EHMT1: variants seen among roughly 807,000 people sequenced by gnomAD.
The protein encoded by EHMT1 is histone-lysine N-methyltransferase EHMT1.
In EHMT1, 15 loss-of-function variants were observed where a neutral mutation model predicts 147.2. The ratio of observed to expected loss-of-function variants is 0.10; its 90% CI spans 0.07 to 0.16. The LOEUF is 0.16. Among genes scored for constraint, EHMT1 ranks in the 10% least tolerant of loss-of-function variants. The pLI, the probability that EHMT1 is intolerant of heterozygous loss-of-function variation, is 1.00. For missense variants in EHMT1, 1,587 were observed against 1,772.4 expected, an observed-to-expected ratio of 0.90 and a Z score of 1.88; for synonymous variants, 795 against 709.6, an observed-to-expected ratio of 1.12 and a Z score of -1.91.
chr9:137,647,513 C>T (rs1844984865), intron 1 of EHMT1, among the ~76,000 whole-genome samples: 1 of 151,952 alleles, frequency 6.6e-6, no homozygotes, highest in Non-Finnish European at 1.5e-5. Context: ...CCCCTGTGCT[C>T]TCTGCTCAGG....
At chr9:137,730,386 T>C (rs1947001638) in intron 4 of EHMT1, among the ~76,000 whole-genome samples, 1 of 152,122 alleles carries the variant, frequency 6.6e-6, no homozygotes, top group African/African-American at 2.4e-5. Context: ...TTTCAGTTTC[T>C]GCTGTAAGGA....
intron 18 of EHMT1, among the ~76,000 whole-genome samples, chr9:137,806,441 CTT>C (rs953799687): frequency 6.9e-6 from 1 of 145,342 alleles, no homozygotes. Flanking sequence ...GCTCTTGCAG[CTT>C]TTTTTTTTTG....
At chr9:137,744,574 T>C (rs1021577688) in intron 6 of EHMT1, among the ~76,000 whole-genome samples, 1 of 152,218 alleles carries the variant, frequency 6.6e-6, no homozygotes, top group African/African-American at 2.4e-5. Flanking sequence ...CCCGCCTCAG[T>C]CTCCCAGTGT....
At chr9:137,762,536 C>G (rs898716690) in intron 9 of EHMT1, 139 bp from the exon 10 acceptor site, 2 of 1,444,478 alleles carry the variant, frequency 1.4e-6, no homozygotes, top group African/African-American at 1.4e-5. Flanking sequence ...CCACGCAGGG[C>G]TGTTTGTGCT....
At chr9:137,772,603 C>T (rs1232871926) in intron 10 of EHMT1, among the ~76,000 whole-genome samples, 1 of 152,264 alleles carries the variant, frequency 6.6e-6, no homozygotes, top group African/African-American at 2.4e-5. Context: ...GCGGACCCAC[C>T]TTCAGGCAAG....
intron 3 of EHMT1, among the ~76,000 whole-genome samples, chr9:137,718,135 G>A (rs578167009): frequency 9.9e-5 from 15 of 151,830 alleles, no homozygotes; most frequent in South Asian, 2.1e-4. Flanking sequence ...CACACAGGGC[G>A]CGCCTGCCCC....
intron 6 of EHMT1, among the ~76,000 whole-genome samples, chr9:137,752,066 C>G (rs1223558261): frequency 2.0e-5 from 3 of 152,242 alleles, no homozygotes; most frequent in South Asian, 2.1e-4. Context: ...GGCAGCCACT[C>G]TCTGGTCCCG....
chr9:137,765,506 A>AAAT lies in EHMT1; in HGVS notation c.1647+2695_1647+2697dup, dbSNP rs1443077268. Among the ~76,000 whole-genome samples, 24 of 152,326 alleles carry AAAT rather than the reference A, an allele frequency of 1.6e-4. 1 individual carries two copies. Among genetic ancestry groups the AAAT allele is most frequent in the Admixed American group, 1.1e-3 (17 of 15,306 alleles). ...ACTTATTTTTTGGATAGAAAACTCA[A>AAAT]AATAATAATAAATTAAATTAAATGA... is the stretch of plus-strand genomic sequence containing the variant. On this transcript the variant is annotated intron_variant, in intron 10 of 26. Transcript: ENST00000460843.
intron 1 of EHMT1, among the ~76,000 whole-genome samples, chr9:137,699,245 A>G (rs1943641998): frequency 6.6e-6 from 1 of 152,272 alleles, no homozygotes; most frequent in South Asian, 2.1e-4. Context: ...CTAATGTAGT[A>G]AAGTTAAGGT....
At chr9:137,764,361 A>G (rs1381188219) in intron 10 of EHMT1, 1 of 151,816 alleles carries the variant, frequency 6.6e-6, no homozygotes, top group Non-Finnish European at 1.5e-5. Context: ...TGTTCATGTC[A>G]CTCGCTGCAT....
At chr9:137,734,719 T>A (rs1042349336) in intron 4 of EHMT1, among the ~76,000 whole-genome samples, 1 of 152,188 alleles carries the variant, frequency 6.6e-6, no homozygotes, top group East Asian at 1.9e-4. Context: ...AAGAGACTCA[T>A]CACATACACG....
At chr9:137,655,141 G>C (rs967129534) in intron 1 of EHMT1, among the ~76,000 whole-genome samples, 3 of 152,056 alleles carry the variant, frequency 2.0e-5, no homozygotes, top group African/African-American at 7.3e-5. Flanking sequence ...TGGGACTACA[G>C]GTATACGCCA....
intron 7 of EHMT1, 79 bp downstream of exon 7, chr9:137,752,487 C>T (rs955515244): frequency 2.2e-5 from 33 of 1,522,134 alleles, no homozygotes; most frequent in Non-Finnish European, 5.4e-6. Flanking sequence ...AGTTCTTTAC[C>T]CAACAACCCT....
chr9:137,650,213 C>G (rs1465279722), intron 1 of EHMT1, among the ~76,000 whole-genome samples: 2 of 152,124 alleles, frequency 1.3e-5, no homozygotes, highest in African/African-American at 4.8e-5. Context: ...ATCCTCCCGC[C>G]TTAGCCTCCT....
intron 24 of EHMT1, 149 bp downstream of exon 24, chr9:137,817,674 A>G: frequency 2.0e-6 from 2 of 990,322 alleles, no homozygotes; most frequent in South Asian, 1.4e-5. Context: ...CCTGGCCCCG[A>G]GAACCAAGCT....
chr9:137,674,494 C>G (rs542026236), intron 1 of EHMT1, among the ~76,000 whole-genome samples: 1 of 152,186 alleles, frequency 6.6e-6, no homozygotes, highest in Non-Finnish European at 1.5e-5. Flanking sequence ...TCGGCTCCAG[C>G]GCTCTTTCTT....
chr9:137,813,346 C>T lies in EHMT1; in HGVS notation c.3036-40C>T, dbSNP rs1304856339. ...ACGCTGTGCCACCCCCTGGGCAGAG[C>T]ACGTCAGCCACCAGGTGACACCTGT... On this transcript the variant is annotated intron_variant, in intron 20 of 26. Transcript: ENST00000460843. This position sits in a 1 kb window ranked among gnomAD's most constrained non-coding sequence, Gnocchi z 4.9. 2 of 1,594,504 alleles carry T rather than the reference C, an allele frequency of 1.3e-6. No homozygotes were observed. Among genetic ancestry groups the T allele is most frequent in the African/African-American group, 1.3e-5 (1 of 74,524 alleles).
rs565648805 is a variant in EHMT1 at position 137,632,028 on chromosome 9, T to C, written c.21+12979T>C. On this transcript the variant is annotated intron_variant, in intron 1 of 26. Coordinates refer to ENST00000460843, the MANE Select transcript of EHMT1 (RefSeq NM_024757.5). Reference sequence around the variant, plus strand: ...GTTGCACTTACCTGCAGTAACGCGCTGTGCAGGTTTATAGCCTGGAAGCCA... The same window carrying C: ...GTTGCACTTACCTGCAGTAACGCGCCGTGCAGGTTTATAGCCTGGAAGCCA... Among the ~76,000 whole-genome samples, 73 of 152,336 alleles carry C rather than the reference T, an allele frequency of 4.8e-4. 1 individual carries two copies. The highest frequency in any genetic ancestry group is 1.7e-3 in the African/African-American group (70 of 41,582).
intron 6 of EHMT1, chr9:137,747,451 C>T (rs1948637876): frequency 6.6e-6 from 1 of 152,140 alleles, no homozygotes; most frequent in Non-Finnish European, 1.5e-5. Flanking sequence ...AGCCACTGCG[C>T]CCGGCCTCCT....
Sources: allele counts gnomAD v4.1 joint callset (sites outside exome capture counted in the v4.1 genomes callset), GRCh38; gene constraint gnomAD v4.1.1; non-coding constraint Gnocchi (gnomAD v3.1); transcripts MANE v1.5; gene names NCBI Gene and HGNC (gene_info 2026-07-23, HGNC 2026-07-21).